The following GPATCH2 variants were observed in gnomAD, a reference collection of about 807,000 sequenced individuals.
GPATCH2 encodes the protein G patch domain-containing protein 2.
A neutral mutation model predicts 58.0 loss-of-function variants in GPATCH2; 51 were observed. That is an observed-to-expected ratio of 0.88 (90% CI 0.70 to 1.11). The LOEUF (loss-of-function observed/expected upper bound fraction) is 1.11. Among genes scored for constraint, GPATCH2 ranks in the 50% most tolerant of loss-of-function variants. The pLI is 0.00. For missense variants in GPATCH2, 625 were observed against 652.2 expected (o/e 0.96, Z 0.45); for synonymous variants, 222 against 218.5 (o/e 1.02, Z -0.14).
chr1:217,594,322 C>T (rs1277113877), intron 5 of GPATCH2, among the ~76,000 whole-genome samples: 3 of 151,950 alleles, frequency 2.0e-5, no homozygotes, highest in Non-Finnish European at 4.4e-5. Context: ...AAATAATTAA[C>T]AACTGCTGTT....
intron 5 of GPATCH2, among the ~76,000 whole-genome samples, chr1:217,548,984 T>C (rs1461815824): frequency 6.6e-6 from 1 of 152,196 alleles, no homozygotes; most frequent in African/African-American, 2.4e-5. Flanking sequence ...TTGATGGTGG[T>C]GCTCTATTCT....
chr1:217,474,271 C>A (rs527590862), intron 8 of GPATCH2, among the ~76,000 whole-genome samples: 39 of 152,110 alleles, frequency 2.6e-4, no homozygotes, highest in African/African-American at 8.9e-4. Context: ...AGTAGAACTT[C>A]CTCATAGAAA....
chr1:217,463,746 G>A (rs1245612474), intron 8 of GPATCH2, among the ~76,000 whole-genome samples: 1 of 150,234 alleles, frequency 6.7e-6, no homozygotes, highest in African/African-American at 2.4e-5. Flanking sequence ...CTTGAGCCCA[G>A]GAGTTCAAGG....
chr1:217,597,881 A>G (rs575804263), intron 5 of GPATCH2, among the ~76,000 whole-genome samples: 7 of 152,332 alleles, frequency 4.6e-5, no homozygotes, highest in Non-Finnish European at 8.8e-5. Context: ...TCCCCCAACC[A>G]AAAGGTCTAG....
chr1:217,546,419 G>T (rs1446550538), intron 5 of GPATCH2, among the ~76,000 whole-genome samples: 1 of 152,026 alleles, frequency 6.6e-6, no homozygotes, highest in African/African-American at 2.4e-5. Context: ...AGACACATAG[G>T]CCAATGGAAT....
At chr1:217,486,710 G>A (rs7552965) in intron 8 of GPATCH2, among the ~76,000 whole-genome samples, 15,141 of 152,208 alleles carry the variant, frequency 0.099, 1,476 homozygotes, top group African/African-American at 0.26. Flanking sequence ...AATGGCATGT[G>A]GAAAGCAACT....
At chr1:217,504,315 G>A (rs1558440293) in intron 6 of GPATCH2, among the ~76,000 whole-genome samples, 3 of 152,130 alleles carry the variant, frequency 2.0e-5, no homozygotes, top group African/African-American at 4.8e-5. Context: ...TGGGCAGCCT[G>A]TTGAACTCAC....
At chr1:217,513,200 A>T (rs565932372) in intron 6 of GPATCH2, among the ~76,000 whole-genome samples, 5 of 152,246 alleles carry the variant, frequency 3.3e-5, no homozygotes, top group Admixed American at 1.3e-4. Flanking sequence ...CTGATGCAGA[A>T]GAATCGCTTG....
chr1:217,495,392 G>A (rs1170925496), intron 7 of GPATCH2, among the ~76,000 whole-genome samples: 3 of 152,170 alleles, frequency 2.0e-5, no homozygotes, highest in African/African-American at 2.4e-5. Flanking sequence ...GGCAGCCACT[G>A]TTCAGGTAAT....
rs547190923 is a variant in GPATCH2, at chr1:217,534,848, A to G, written c.1099-19959T>C. ...GATGTCTGTCTCAGTTACTTAGCTC[A>G]ACTTGGCACTAAATAACTGGAGATT... is the stretch of plus-strand genomic sequence containing the variant. On this transcript the variant is annotated intron_variant, in intron 5 of 9. Coordinates refer to ENST00000366935, the MANE Select transcript of GPATCH2 (RefSeq NM_018040.5). 1.4e-4 allele frequency among the ~76,000 whole-genome samples: 22 copies of G among 152,316 alleles called. 1 individual carries two copies. In the South Asian group the frequency reaches 4.1e-3, roughly 29 times the overall value.
chr1:217,467,342 T>A (rs1660509083), intron 8 of GPATCH2, among the ~76,000 whole-genome samples: 1 of 152,198 alleles, frequency 6.6e-6, no homozygotes, highest in Non-Finnish European at 1.5e-5. Flanking sequence ...AACCTGTTGC[T>A]GAAAATGACA....
intron 8 of GPATCH2, among the ~76,000 whole-genome samples, chr1:217,468,618 T>A (rs1016613386): frequency 2.0e-5 from 3 of 151,040 alleles, no homozygotes; most frequent in Non-Finnish European, 2.9e-5. Flanking sequence ...AATTTATATA[T>A]CAAAGGGAAT....
intron 5 of GPATCH2, 42 bp downstream of exon 5, chr1:217,610,279 A>G (rs778025426): frequency 6.8e-7 from 1 of 1,474,580 alleles, no homozygotes; most frequent in Non-Finnish European, 9.5e-7. Flanking sequence ...AGAAATGGAA[A>G]CATTTCCAAA....
At chr1:217,540,596 T>A (rs1256685448) in intron 5 of GPATCH2, among the ~76,000 whole-genome samples, 1 of 152,216 alleles carries the variant, frequency 6.6e-6, no homozygotes, top group Non-Finnish European at 1.5e-5. Flanking sequence ...TACACTAAAG[T>A]ACACAGTGTT....
chr1:217,557,306 C>A (rs915069166), intron 5 of GPATCH2, among the ~76,000 whole-genome samples: 3 of 150,244 alleles, frequency 2.0e-5, no homozygotes, highest in Non-Finnish European at 4.4e-5. Flanking sequence ...ATTCAGGTAG[C>A]TTGGGCAGGA....
In GPATCH2 at chr1:217,430,224, G is replaced by A. The variant is rs960557952; in HGVS notation, c.*921C>T. 2.0e-5 allele frequency: 3 copies of A among 152,110 alleles called. No homozygotes were observed. The highest frequency in any genetic ancestry group is 4.4e-5 in the Non-Finnish European group (3 of 68,022). The allele number at this position is 152,110 out of a possible 1,614,324, so 9.4% of individuals were successfully genotyped here. On this transcript the variant is annotated 3_prime_UTR_variant, in exon 10 of 10. Transcript: ENST00000366935. ...ATTGCCAGAAATCTGAGTTCTGGGA[G>A]AGCCATTTAACTTTTCATGTAAATT...
chr1:217,570,228 C>T (rs1001846218), intron 5 of GPATCH2, among the ~76,000 whole-genome samples: 1 of 152,178 alleles, frequency 6.6e-6, no homozygotes, highest in Non-Finnish European at 1.5e-5. Context: ...TCTCCTGCCT[C>T]AGTCTCCTGA....
intron 5 of GPATCH2, among the ~76,000 whole-genome samples, chr1:217,605,616 A>T (rs1392374306): frequency 6.6e-6 from 1 of 152,214 alleles, no homozygotes; most frequent in Non-Finnish European, 1.5e-5. Context: ...ATCTTTCAAA[A>T]GACTACACAA....
chr1:217,568,621 T>C (rs1329491046), intron 5 of GPATCH2, among the ~76,000 whole-genome samples: 1 of 152,194 alleles, frequency 6.6e-6, no homozygotes, highest in Non-Finnish European at 1.5e-5. Flanking sequence ...GGAAGAGCTA[T>C]CTTGGGAGCA....
Sources: allele counts gnomAD v4.1 joint callset (sites outside exome capture counted in the v4.1 genomes callset), GRCh38; gene constraint gnomAD v4.1.1; transcripts MANE v1.5; gene names NCBI Gene and HGNC (gene_info 2026-07-23, HGNC 2026-07-21).